The following TBC1D10B variants were observed in gnomAD, a reference collection of about 807,000 sequenced individuals.
TBC1D10B encodes TBC1 domain family member 10B, also known as Rab27A-GAPbeta.
TBC1D10B carries 25 observed loss-of-function variants against 78.4 expected under a neutral mutation model. The observed-to-expected ratio is 0.32, with a 90% CI of 0.23 to 0.45. TBC1D10B has a LOEUF of 0.45. TBC1D10B is among the 20% of genes least tolerant of loss of function. The pLI, the probability that TBC1D10B is intolerant of heterozygous loss-of-function variation, is 1.00. For missense variants in TBC1D10B, 996 were observed against 1,104.8 expected, an observed-to-expected ratio of 0.90 and a Z score of 1.40; for synonymous variants, 517 against 478.0, an observed-to-expected ratio of 1.08 and a Z score of -1.06.
chr16:30,358,042 G>A lies in TBC1D10B; in HGVS notation c.2329C>T (p.Arg777Trp), dbSNP rs752044234. The change falls in exon 9 of 9, where the codon CGG becomes TGG. Residue 777 changes from arginine to tryptophan, a missense_variant. Around this residue, in one of 5 missense-constraint regions of TBC1D10B, gnomAD observed 285 missense variants for 252.5 expected, o/e 1.13. Coordinates refer to ENST00000409939, the MANE Select transcript of TBC1D10B (RefSeq NM_015527.4). ...RQKQEKKAQG[R>W]KLSLRRKADG... ...GCCTTTCGACGCAGCGAAAGCTTCC[G>A]GCCTTGAGCCTTCTTCTCCTGCTTC... The A allele has an allele frequency of 1.5e-5, 24 of 1,551,742 alleles. No homozygotes were observed. The highest frequency in any genetic ancestry group is 9.5e-5 in the South Asian group (8 of 84,070).
rs1004793716 is a variant in TBC1D10B, at chr16:30,365,438, G to A, written c.1056+57C>T. ...TATCGGCTTCCTGGGCTTCCCTGGA[G>A]CACATGCTACCCCTCCCAACTTGTG... is the stretch of plus-strand genomic sequence containing the variant. On this transcript the variant is annotated intron_variant, in intron 2 of 8. Coordinates refer to ENST00000409939, the MANE Select transcript of TBC1D10B (RefSeq NM_015527.4). The surrounding 1 kb of genome is among the most constrained non-coding windows in gnomAD (Gnocchi z 5.0). The A allele has an allele frequency of 3.7e-5, 58 of 1,588,318 alleles. No individual in the cohort carries two copies. Among genetic ancestry groups the A allele is most frequent in the Middle Eastern group, 1.7e-4 (1 of 6,056 alleles).
rs1435184782 is a variant in TBC1D10B at position 30,369,667 on chromosome 16, G to A, written c.517C>T (p.Pro173Ser). Residue 173 changes from proline (P) to serine (S), a missense_variant, in exon 1 of 9, where the codon CCC (proline) becomes TCC (serine). Pro to Ser is a moderately conservative substitution (Grantham distance 74). Transcript: ENST00000409939. The surrounding 1 kb of genome is among the most constrained non-coding windows in gnomAD (Gnocchi z 4.3). Reference sequence around the variant, plus strand: ...GAGGCCACTGTGGTTCCCGGCTTGGGGGCAAGCGGGGGTTTGGCGGTCAGG... The same window carrying A: ...GAGGCCACTGTGGTTCCCGGCTTGGAGGCAAGCGGGGGTTTGGCGGTCAGG... The part of the protein sequence containing the change: ...GALTAKPPLA[P>S]KPGTTVASGV... The A allele has an allele frequency of 1.3e-6, 2 of 1,532,122 alleles. No individual in the cohort carries two copies. Among genetic ancestry groups the A allele is most frequent in the Non-Finnish European group, 1.8e-6 (2 of 1,137,112 alleles). 94.9% of individuals were successfully genotyped at this position (1,532,122 alleles called of 1,614,324 possible). A position where few individuals can be genotyped will look rare whatever the true frequency, so the allele number is the denominator to read the frequency against.
chr16:30,362,710 C>T (rs562132939), intron 4 of TBC1D10B, among the ~76,000 whole-genome samples: 19 of 152,316 alleles, frequency 1.2e-4, no homozygotes, highest in Non-Finnish European at 2.4e-4. Context: ...ACTGAACTTA[C>T]ATCTCTATCT....
chr16:30,361,508 CA>C (rs375393245), intron 4 of TBC1D10B, among the ~76,000 whole-genome samples: 1 of 151,556 alleles, frequency 6.6e-6, no homozygotes, highest in African/African-American at 2.4e-5. Flanking sequence ...CAGCTCACGG[CA>C]AACTCTGTCT....
At position 30,358,649 on chromosome 16, in the gene TBC1D10B, G is replaced by A; in HGVS notation, c.1797+14C>T. 6.3e-7 allele frequency: 1 copy of A among 1,596,254 alleles called. No homozygotes were observed. The highest frequency in any genetic ancestry group is 8.6e-7 in the Non-Finnish European group (1 of 1,167,252). Reference sequence around the variant, plus strand: ...CTGAGGCAGGCAGGGGCTGCGTTGAGGGCACAGGCCTACCTCATGCACCAG... The same window carrying A: ...CTGAGGCAGGCAGGGGCTGCGTTGAAGGCACAGGCCTACCTCATGCACCAG... On this transcript the variant is annotated intron_variant, in intron 8 of 8. Coordinates refer to ENST00000409939, the MANE Select transcript of TBC1D10B (RefSeq NM_015527.4).
Position 30,369,228 on chromosome 16 carries a change from A to G in TBC1D10B, c.956T>C (p.Leu319Pro). The change falls in exon 1 of 9, where the codon CTA (leucine) becomes CCA (proline). Residue 319 changes from leucine to proline, a missense_variant and splice_region_variant. Leu to Pro is a moderately conservative substitution (Grantham distance 98, BLOSUM62 -3). Around this residue, in one of 5 missense-constraint regions of TBC1D10B, gnomAD observed 448 missense variants for 442.1 expected, o/e 1.01. Transcript: ENST00000409939. This position sits in a 1 kb window ranked among gnomAD's most constrained non-coding sequence, Gnocchi z 4.3. ...CCGCTGGGTGCCCACTGGTACTCAC[A>G]GGCTGCCCGAGTACTGGCTGCCCCC... is the stretch of plus-strand genomic sequence containing the variant. ...FLGGSQYSGS[L>P]ESSIPVDVAR... is the part of the protein sequence containing the mutation. The G allele has an allele frequency of 6.4e-7, 1 of 1,574,258 alleles. No individual in the cohort carries two copies. Among genetic ancestry groups the G allele is most frequent in the African/African-American group, 1.4e-5 (1 of 74,008 alleles).
At chr16:30,363,535 C>T (rs1431809662) in intron 4 of TBC1D10B, among the ~76,000 whole-genome samples, 1 of 152,132 alleles carries the variant, frequency 6.6e-6, no homozygotes, top group Non-Finnish European at 1.5e-5. Context: ...GCAGGCGGAT[C>T]GCTTGAGCCC....
Position 30,369,689 on chromosome 16 carries a change from C to T in TBC1D10B, c.495G>A (p.Leu165=). Residue 165 remains leucine, a synonymous_variant, in exon 1 of 9, where the codon CTG becomes CTA. Coordinates refer to ENST00000409939, the MANE Select transcript of TBC1D10B (RefSeq NM_015527.4). The surrounding 1 kb of genome is among the most constrained non-coding windows in gnomAD (Gnocchi z 4.3). ...TGGGGGCAAGCGGGGGTTTGGCGGT[C>T]AGGGCACCAGGAGCCGTTCTGGAAG... is the stretch of plus-strand genomic sequence containing the variant. The part of the protein sequence containing the change: ...RTPSRTAPGA[L]TAKPPLAPKP... 1 of 1,524,616 alleles carries T rather than the reference C, an allele frequency of 6.6e-7. No homozygotes were observed. The highest frequency in any genetic ancestry group is 8.8e-7 in the Non-Finnish European group (1 of 1,133,770). 94.4% of individuals were successfully genotyped at this position (1,524,616 alleles called of 1,614,324 possible). A position where few individuals can be genotyped will look rare whatever the true frequency, so the allele number is the denominator to read the frequency against.
At position 30,370,122 on chromosome 16, in the gene TBC1D10B, G is replaced by A. The variant is rs1204135296; in HGVS notation, c.62C>T (p.Pro21Leu). ...PPRRHGAPAA[P>L]SPPPRGSRAG... ...CCGGGAACCCCGGGGCGGCGGCGAG[G>A]GGGCCGCGGGGGCGCCATGACGGCG... The change falls in exon 1 of 9, where the codon CCC becomes CTC. Residue 21 changes from proline to leucine, a missense_variant. Pro to Leu is a moderately conservative substitution (Grantham distance 98). This residue lies in a region of TBC1D10B where 448 missense variants were observed against 442.1 expected (regional missense o/e 1.01). Transcript: ENST00000409939. 3 of 1,210,722 alleles carry A rather than the reference G, an allele frequency of 2.5e-6. No homozygotes were observed. The highest frequency in any genetic ancestry group is 3.2e-5 in the African/African-American group (2 of 63,406). The allele number at this position is 1,210,722 out of a possible 1,614,324, so 75.0% of individuals were successfully genotyped here.
chr16:30,369,279 C>T lies in TBC1D10B; in HGVS notation c.905G>A (p.Arg302His). ...AAGGAAGCCATACTTGTCCGTCTTGCGCAGGGCCAGCCCGTTTATCTCTGA... is the reference window on the plus strand; with the variant it reads ...AAGGAAGCCATACTTGTCCGTCTTGTGCAGGGCCAGCCCGTTTATCTCTGA... Reference protein sequence around the residue: ...SDSEINGLALRKTDKYGFLGG... With the variant: ...SDSEINGLALHKTDKYGFLGG... Residue 302 changes from arginine (R) to histidine (H), a missense_variant, in exon 1 of 9, where the codon CGC becomes CAC. Arg to His is a conservative substitution (Grantham distance 29). This residue lies in a region of TBC1D10B where 448 missense variants were observed against 442.1 expected (regional missense o/e 1.01). Coordinates refer to ENST00000409939, the MANE Select transcript of TBC1D10B (RefSeq NM_015527.4). This position sits in a 1 kb window ranked among gnomAD's most constrained non-coding sequence, Gnocchi z 4.3. 1.3e-6 allele frequency: 2 copies of T among 1,587,668 alleles called. No homozygotes were observed. Among genetic ancestry groups the T allele is most frequent in the Non-Finnish European group, 1.7e-6 (2 of 1,167,682 alleles).
At position 30,369,868 on chromosome 16, in the gene TBC1D10B, G is replaced by C; in HGVS notation, c.316C>G (p.Pro106Ala). 7.1e-7 allele frequency: 1 copy of C among 1,401,412 alleles called. No individual in the cohort carries two copies. 86.8% of individuals were successfully genotyped at this position (1,401,412 alleles called of 1,614,324 possible). ...GGCTCTGGGGATTCCGGGCCGGAGGGGAGCTGCGGCTTTGGGGCTTCGGGC... is the reference window on the plus strand; with the variant it reads ...GGCTCTGGGGATTCCGGGCCGGAGGCGAGCTGCGGCTTTGGGGCTTCGGGC... ...ASPEAPKPQL[P>A]SGPESPEPAA... Residue 106 changes from proline to alanine, a missense_variant, in exon 1 of 9, where the codon CCC (proline) becomes GCC (alanine). Pro to Ala is a conservative substitution (Grantham distance 27, BLOSUM62 -1). Coordinates refer to ENST00000409939, the MANE Select transcript of TBC1D10B (RefSeq NM_015527.4). This position sits in a 1 kb window ranked among gnomAD's most constrained non-coding sequence, Gnocchi z 4.3.
In TBC1D10B at chr16:30,358,126, G is replaced by A; in HGVS notation, c.2245C>T (p.Gln749Ter). ...TCCTGCTTCTCTCGCTCTTTCTCCTGCTTCTGCCGCTCCTTCTCCCGCTCC... is the reference window on the plus strand; with the variant it reads ...TCCTGCTTCTCTCGCTCTTTCTCCTACTTCTGCCGCTCCTTCTCCCGCTCC... ...EKEREKERQK[Q>*]EKEREKQEKE... is the part of the protein sequence containing the mutation. The change falls in exon 9 of 9, where the codon CAG (glutamine) becomes TAG (stop). Residue 749 changes from glutamine to a stop codon, truncating the protein, a stop_gained. Transcript: ENST00000409939. LOFTEE classifies it high-confidence loss of function. The A allele has an allele frequency of 6.4e-7, 1 of 1,551,628 alleles. No individual in the cohort carries two copies. The highest frequency in any genetic ancestry group is 8.7e-7 in the Non-Finnish European group (1 of 1,146,786).
rs1337630214 is a variant in TBC1D10B at position 30,369,516 on chromosome 16, G to A, written c.668C>T (p.Thr223Ile). 3.2e-6 allele frequency: 5 copies of A among 1,550,964 alleles called. No homozygotes were observed. The highest frequency in any genetic ancestry group is 2.7e-5 in the African/African-American group (2 of 73,122). ...PSGPGTGPSG[T>I]CEAPVAVVTV... is the part of the protein sequence containing the mutation. ...CACGACAGCTACCGGAGCCTCACAA[G>A]TCCCAGAGGGGCCTGTGCCAGGGCC... is the stretch of plus-strand genomic sequence containing the variant. The change falls in exon 1 of 9, where the codon ACT (threonine) becomes ATT (isoleucine). Residue 223 changes from threonine (T) to isoleucine (I), a missense_variant. This residue lies in a region of TBC1D10B where 448 missense variants were observed against 442.1 expected (regional missense o/e 1.01). Coordinates refer to ENST00000409939, the MANE Select transcript of TBC1D10B (RefSeq NM_015527.4). This position sits in a 1 kb window ranked among gnomAD's most constrained non-coding sequence, Gnocchi z 4.3.
In TBC1D10B at chr16:30,363,209, T is replaced by C. The variant is rs566668467; in HGVS notation, c.1271+1691A>G. 2.0e-5 allele frequency among the ~76,000 whole-genome samples: 3 copies of C among 152,182 alleles called. 1 individual carries two copies. Among genetic ancestry groups the C allele is most frequent in the African/African-American group, 7.2e-5 (3 of 41,504 alleles). On this transcript the variant is annotated intron_variant, in intron 4 of 8. Transcript: ENST00000409939. Reference sequence around the variant, plus strand: ...ACTGCATGTCTAATCCATTGGCAAATCCCTTTGACTCGACCTTCAAAATAT... The same window carrying C: ...ACTGCATGTCTAATCCATTGGCAAACCCCTTTGACTCGACCTTCAAAATAT...
At position 30,359,825 on chromosome 16, in the gene TBC1D10B, G is replaced by C. The variant is rs1384540453; in HGVS notation, c.1288C>G (p.Arg430Gly). Residue 430 changes from arginine to glycine, a missense_variant, in exon 5 of 9, where the codon CGA becomes GGA. Transcript: ENST00000409939. The part of the protein sequence containing the change: ...RGGHGQQDLY[R>G]ILKAYTIYRP... ...TAGATGGTGTAGGCCTTCAGGATTC[G>C]GTACAGGTCCTGTTGCCTGTGGGGG... The C allele has an allele frequency of 8.3e-6, 13 of 1,566,598 alleles. No individual in the cohort carries two copies. The highest frequency in any genetic ancestry group is 4.3e-6 in the Non-Finnish European group (5 of 1,155,344).
intron 4 of TBC1D10B, among the ~76,000 whole-genome samples, chr16:30,360,515 C>T (rs1338997404): frequency 6.6e-6 from 1 of 152,100 alleles, no homozygotes; most frequent in African/African-American, 2.4e-5. Flanking sequence ...AAAAAATGAC[C>T]TCCCAGATCC....
chr16:30,369,332 C>T lies in TBC1D10B; in HGVS notation c.852G>A (p.Ala284=), dbSNP rs150905088. The change falls in exon 1 of 9, where the codon GCG becomes GCA. Residue 284 remains alanine, a synonymous_variant. Coordinates refer to ENST00000409939, the MANE Select transcript of TBC1D10B (RefSeq NM_015527.4). This position sits in a 1 kb window ranked among gnomAD's most constrained non-coding sequence, Gnocchi z 4.3. ...CTGAGCCCATGGAGCTCACATCATC[C>T]GCCAAGGACTCCAAGGTCCCAGACA... ...SLMSGTLESL[A]DDVSSMGSDS... is the part of the protein sequence containing the mutation. The T allele has an allele frequency of 2.5e-6, 4 of 1,597,530 alleles. No homozygotes were observed. In the African/African-American group the frequency reaches 5.4e-5, roughly 21 times the overall value.
At position 30,370,168 on chromosome 16, in the gene TBC1D10B, C is replaced by G; in HGVS notation, c.16G>C (p.Ala6Pro). The change falls in exon 1 of 9, where the codon GCG (alanine) becomes CCG (proline). Residue 6 changes from alanine to proline, a missense_variant. Transcript: ENST00000409939. METGT[A>P]PLVAPPRRHG... ...CGGCGCGGCGGGGCCACCAGGGGCG[C>G]CGTGCCCGTCTCCATGGCCGCGGGC... The G allele has an allele frequency of 1.7e-6, 2 of 1,179,352 alleles. No individual in the cohort carries two copies. Among genetic ancestry groups the G allele is most frequent in the Non-Finnish European group, 2.1e-6 (2 of 954,180 alleles). 73.1% of individuals were successfully genotyped at this position (1,179,352 alleles called of 1,614,324 possible). A position where few individuals can be genotyped will look rare whatever the true frequency, so the allele number is the denominator to read the frequency against.
rs199593405 is a variant in TBC1D10B at position 30,364,396 on chromosome 16, A to ACAC, written c.1271+501_1271+503dup. ...GCAGAGGTTGCAGTGGGCTGAGATC[A>ACAC]CACCACTGCACTCCAGCCTGGGCAA... is the stretch of plus-strand genomic sequence containing the variant. On this transcript the variant is annotated intron_variant, in intron 4 of 8. Transcript: ENST00000409939. Among the ~76,000 whole-genome samples, 1,458 of 152,134 alleles carry ACAC rather than the reference A, an allele frequency of 9.6e-3. 29 individuals carry two copies. The highest frequency in any genetic ancestry group is 0.034 in the African/African-American group (1,400 of 41,496).
Sources: gnomAD v4.1 joint callset for allele counts (sites outside exome capture counted in the v4.1 genomes callset) on GRCh38, gnomAD v4.1.1 for gene constraint, gnomAD v4.1.1 regional missense constraint, Gnocchi (gnomAD v3.1) non-coding constraint, MANE v1.5 for transcripts, NCBI Gene and HGNC (gene_info 2026-07-23, HGNC 2026-07-21) for gene names.